TRIM14: variants seen among roughly 807,000 people sequenced by gnomAD.
The protein encoded by TRIM14 is tripartite motif-containing protein 14.
Under a neutral mutation model 44.5 loss-of-function variants are expected in TRIM14, and 28 were observed. The observed-to-expected ratio is 0.63, with a 90% CI of 0.47 to 0.86. The LOEUF (loss-of-function observed/expected upper bound fraction) is 0.86, where lower values mean the gene tolerates loss of function less well. TRIM14 is among the 40% of genes least tolerant of loss of function. TRIM14 has a pLI of 0.00. For missense variants in TRIM14, 607 were observed against 611.1 expected, an observed-to-expected ratio of 0.99 and a Z score of 0.07; for synonymous variants, 299 against 269.2, an observed-to-expected ratio of 1.11 and a Z score of -1.08.
At chr9:98,116,800 T>G (rs891097100) in intron 1 of TRIM14, among the ~76,000 whole-genome samples, 7 of 148,024 alleles carry the variant, frequency 4.7e-5, no homozygotes, top group African/African-American at 1.8e-4. Context: ...GCCACGATCA[T>G]GCCATTGCAC....
chr9:98,091,944 G>T lies in TRIM14; in HGVS notation c.758C>A (p.Thr253Asn). The part of the protein sequence containing the change: ...SSTKPGTLLK[T>N]SPSPERSLLL... ...TAGCGATCGCTCTGGTGAGGGGCTG[G>T]TTTTCAACAAGGTACCTGGCTTGGT... Residue 253 changes from threonine to asparagine, a missense_variant, in exon 5 of 6, where the codon ACC becomes AAC. This residue lies in a region of TRIM14 where 356 missense variants were observed against 323.0 expected (regional missense o/e 1.10). Coordinates refer to ENST00000341469, the MANE Select transcript of TRIM14 (RefSeq NM_014788.4). The T allele has an allele frequency of 6.2e-7, 1 of 1,610,750 alleles. No homozygotes were observed. The highest frequency in any genetic ancestry group is 8.5e-7 in the Non-Finnish European group (1 of 1,177,628).
the TRIM14 span, among the ~76,000 whole-genome samples, chr9:98,058,273 A>G: frequency 6.6e-6 from 1 of 152,188 alleles, no homozygotes; most frequent in Non-Finnish European, 1.5e-5. Flanking sequence ...TCATAAAAAT[A>G]CTTTACAAAA....
the TRIM14 span, among the ~76,000 whole-genome samples, chr9:98,036,416 G>A: frequency 2.7e-5 from 4 of 147,426 alleles, no homozygotes; most frequent in Admixed American, 2.1e-4. Flanking sequence ...CAGGAGAATC[G>A]CAGGAATCTG....
chr9:98,075,403 G>C (rs922575114), intron 6 of TRIM14: 1 of 149,064 alleles, frequency 6.7e-6, no homozygotes, highest in Non-Finnish European at 1.5e-5. Flanking sequence ...GGGAGGGAGG[G>C]AGGAAGGAAA....
chr9:98,037,356 C>A, the TRIM14 span, among the ~76,000 whole-genome samples: 7 of 152,002 alleles, frequency 4.6e-5, no homozygotes, highest in South Asian at 2.1e-4. Context: ...CCAGTCCGGG[C>A]GACAGAGCAA....
In TRIM14 at chr9:98,095,302, G is replaced by C. The variant is rs187482346; in HGVS notation, c.538-273C>G. 6.6e-6 allele frequency among the ~76,000 whole-genome samples: 1 copy of C among 152,180 alleles called. No homozygotes were observed. Among genetic ancestry groups the C allele is most frequent in the South Asian group, 2.1e-4 (1 of 4,828 alleles). On this transcript the variant is annotated intron_variant, in intron 3 of 5. Transcript: ENST00000341469. This position sits in a 1 kb window ranked among gnomAD's most constrained non-coding sequence, Gnocchi z 4.1. ...CTTCCTCCTTTCCTTCCTTCCTTAC[G>C]TGTTCATTGAAACCTACTCTGTGCC...
chr9:98,088,596 T>G (rs1825887004), intron 5 of TRIM14, among the ~76,000 whole-genome samples: 1 of 152,222 alleles, frequency 6.6e-6, no homozygotes, highest in African/African-American at 2.4e-5. Context: ...AATTGATTGA[T>G]CTACTTGTGA....
rs1037630548 is a variant in TRIM14 at position 98,100,066 on chromosome 9, A to T, written c.402T>A (p.Asp134Glu). 3.1e-6 allele frequency: 5 copies of T among 1,614,172 alleles called. No individual in the cohort carries two copies. Among genetic ancestry groups the T allele is most frequent in the Non-Finnish European group, 4.2e-6 (5 of 1,180,032 alleles). ...CCTGGAGGGTAAGCTGCGTGTTTTT[A>T]TCAATGAATTTCTTGGCCAGCGCTT... ...EEEALAKKFI[D>E]KNTQLTLQVY... Residue 134 changes from aspartate to glutamate, a missense_variant, in exon 3 of 6, where the codon GAT becomes GAA. Asp to Glu is a conservative substitution (Grantham distance 45). Transcript: ENST00000341469.
downstream of TRIM14, among the ~76,000 whole-genome samples, chr9:98,065,911 C>A (rs947029566): frequency 3.3e-5 from 5 of 152,120 alleles, no homozygotes; most frequent in Non-Finnish European, 7.3e-5. Flanking sequence ...TTTTGCCCCC[C>A]ACCATGATTC....
chr9:98,070,014 G>A (rs779329639), intron 6 of TRIM14, among the ~76,000 whole-genome samples: 10 of 152,094 alleles, frequency 6.6e-5, no homozygotes, highest in Non-Finnish European at 1.3e-4. Context: ...GGAAACTGGG[G>A]GAAGAGTATA....
In TRIM14 at chr9:98,087,930, C is replaced by G. The variant is rs1277767019; in HGVS notation, c.869G>C (p.Arg290Pro). ...LRLSADRLTV[R>P]CGLLGSLGPV... ...CCCCAGGCTGCCCAGCAGGCCGCAG[C>G]GCACCGTCAGGCGATCGGCGGACAG... The change falls in exon 6 of 6, where the codon CGC (arginine) becomes CCC (proline). Residue 290 changes from arginine (R) to proline (P), a missense_variant. Physicochemically the swap from Arg to Pro is moderately radical, Grantham distance 103 (BLOSUM62 -2). Around this residue, in one of 3 missense-constraint regions of TRIM14, gnomAD observed 356 missense variants for 323.0 expected, o/e 1.10. Coordinates refer to ENST00000341469, the MANE Select transcript of TRIM14 (RefSeq NM_014788.4). 3.8e-6 allele frequency: 6 copies of G among 1,565,936 alleles called. No individual in the cohort carries two copies. The highest frequency in any genetic ancestry group is 1.1e-5 in the South Asian group (1 of 87,336).
chr9:98,105,210 C>T (rs1295763856), intron 2 of TRIM14, among the ~76,000 whole-genome samples: 1 of 152,236 alleles, frequency 6.6e-6, no homozygotes, highest in East Asian at 1.9e-4. Context: ...AGGCATGGAG[C>T]CAGCAACTGA....
chr9:98,100,217 A>G (rs1826340590), intron 2 of TRIM14, 53 bp from the exon 3 acceptor site: 1 of 1,509,692 alleles, frequency 6.6e-7, no homozygotes, highest in Non-Finnish European at 9.2e-7. Flanking sequence ...CAGGAAATCC[A>G]GAATAATCAA....
chr9:98,111,779 A>T (rs1826862128), intron 1 of TRIM14, among the ~76,000 whole-genome samples: 1 of 152,092 alleles, frequency 6.6e-6, no homozygotes, highest in African/African-American at 2.4e-5. Flanking sequence ...TCTCTACTAC[A>T]AATACAAAAT....
chr9:98,114,437 C>T (rs1826972365), intron 1 of TRIM14, among the ~76,000 whole-genome samples: 1 of 151,950 alleles, frequency 6.6e-6, no homozygotes, highest in Admixed American at 6.6e-5. Flanking sequence ...GGGTTCATGC[C>T]ATTCTCCTGC....
At chr9:98,039,409 A>C in the TRIM14 span, among the ~76,000 whole-genome samples, 1 of 152,204 alleles carries the variant, frequency 6.6e-6, no homozygotes, top group Non-Finnish European at 1.5e-5. Flanking sequence ...GCGTAGGCTG[A>C]ACTAACTTTG....
chr9:98,080,515 C>T (rs1340858754), downstream of TRIM14, among the ~76,000 whole-genome samples: 1 of 152,178 alleles, frequency 6.6e-6, no homozygotes, highest in Non-Finnish European at 1.5e-5. Context: ...ATTTATAGTT[C>T]TGTTGTTACT....
chr9:98,119,159 G>A lies in TRIM14; in HGVS notation c.30C>T (p.Thr10=). MAGAATGSR[T]PGRSELVEGC... ...CCTCGACAAGCTCCGACCTCCCAGG[G>A]GTCCGGCTCCCGGTCGCCGCGCCCG... Residue 10 remains threonine, a synonymous_variant, in exon 1 of 6, where the codon ACC becomes ACT. Transcript: ENST00000341469. 6.3e-7 allele frequency: 1 copy of A among 1,581,582 alleles called. No homozygotes were observed. Among genetic ancestry groups the A allele is most frequent in the Non-Finnish European group, 8.5e-7 (1 of 1,173,662 alleles).
chr9:98,081,894 T>C (rs867232386), downstream of TRIM14: 2 of 152,198 alleles, frequency 1.3e-5, no homozygotes, highest in South Asian at 2.1e-4. Flanking sequence ...ATAGTTTCTT[T>C]ATAGAGGAAA....
Sources: gnomAD v4.1 joint callset for allele counts (sites outside exome capture counted in the v4.1 genomes callset) on GRCh38, gnomAD v4.1.1 for gene constraint, gnomAD v4.1.1 regional missense constraint, Gnocchi (gnomAD v3.1) non-coding constraint, MANE v1.5 for transcripts, NCBI Gene and HGNC (gene_info 2026-07-23, HGNC 2026-07-21) for gene names.